Variants in ZDHHC11 observed in about 807,000 individuals in gnomAD.
ZDHHC11 encodes zDHHC palmitoyltransferase 11, also known as palmitoyltransferase ZDHHC11.
Under a neutral mutation model 51.3 loss-of-function variants are expected in ZDHHC11, and 44 were observed. The observed-to-expected ratio is 0.86, with a 90% CI of 0.67 to 1.10. The LOEUF (loss-of-function observed/expected upper bound fraction) is 1.10, where lower values mean the gene tolerates loss of function less well. ZDHHC11 is among the 50% of genes least tolerant of loss of function. ZDHHC11 has a pLI of 0.00. For missense variants in ZDHHC11, 400 were observed against 537.7 expected (o/e 0.74, Z 2.53); for synonymous variants, 163 against 222.0 (o/e 0.73, Z 2.36).
At position 832,114 on chromosome 5, in the gene ZDHHC11, G is replaced by A. The variant is rs2150363114; in HGVS notation, c.935+1659C>T. ...GATCTGTATATATGTAAATACCATGGAATACTACTCAGCCATAAAAAGGAA... is the reference window on the plus strand; with the variant it reads ...GATCTGTATATATGTAAATACCATGAAATACTACTCAGCCATAAAAAGGAA... On this transcript the variant is annotated intron_variant, in intron 7 of 12. Coordinates refer to ENST00000283441, the MANE Select transcript of ZDHHC11 (RefSeq NM_024786.3). Among the ~76,000 whole-genome samples, 2 of 119,252 alleles carry A rather than the reference G, an allele frequency of 1.7e-5. 1 individual carries two copies. The highest frequency in any genetic ancestry group is 4.6e-4 in the East Asian group (2 of 4,344). The allele number at this position is 119,252 out of a possible 152,430, so 78.2% of individuals were successfully genotyped here.
chr5:814,298 G>C (rs1343832823), intron 11 of ZDHHC11, among the ~76,000 whole-genome samples: 2 of 151,116 alleles, frequency 1.3e-5, no homozygotes, highest in African/African-American at 4.9e-5. Context: ...CTGGATCATG[G>C]TCCTCTTTAT....
chr5:855,850 G>A (rs540614466), upstream of ZDHHC11, among the ~76,000 whole-genome samples: 36 of 137,190 alleles, frequency 2.6e-4, no homozygotes, highest in Non-Finnish European at 3.5e-4. Context: ...ACCCCACAGA[G>A]GACAGACAGC....
At chr5:833,842 A>G (rs761588255) in intron 6 of ZDHHC11, 35 bp from the exon 7 acceptor site, 52 of 1,571,406 alleles carry the variant, frequency 3.3e-5, no homozygotes, top group Admixed American at 2.2e-4. Flanking sequence ...ACATGAAAAA[A>G]GAAGTTGTTG....
intron 11 of ZDHHC11, among the ~76,000 whole-genome samples, chr5:812,681 T>C (rs1171848949): frequency 6.6e-6 from 1 of 151,516 alleles, no homozygotes; most frequent in African/African-American, 2.4e-5. Flanking sequence ...GACTTTTAAG[T>C]GTTCCACAGA....
At chr5:796,917 A>C (rs1294518278) in intron 12 of ZDHHC11, among the ~76,000 whole-genome samples, 1 of 152,018 alleles carries the variant, frequency 6.6e-6, no homozygotes, top group Non-Finnish European at 1.5e-5. Context: ...TTTAAAAAAT[A>C]TTTTCTTTGG....
upstream of ZDHHC11, among the ~76,000 whole-genome samples, chr5:854,727 G>A (rs1747889737): frequency 6.8e-6 from 1 of 146,398 alleles, no homozygotes; most frequent in Non-Finnish European, 1.5e-5. Context: ...AGAGGACAGT[G>A]AGCAGCCGGG....
At chr5:797,515 T>G (rs1737762474) in intron 12 of ZDHHC11, among the ~76,000 whole-genome samples, 1 of 151,508 alleles carries the variant, frequency 6.6e-6, no homozygotes, top group South Asian at 2.1e-4. Flanking sequence ...AGTAATTTCT[T>G]CAGCTCTAGA....
rs1013939428 is a variant in ZDHHC11, at chr5:819,520, C to T, written c.1146+5G>A. 6 of 1,608,912 alleles carry T rather than the reference C, an allele frequency of 3.7e-6. No individual in the cohort carries two copies. Among genetic ancestry groups the T allele is most frequent in the Non-Finnish European group, 5.1e-6 (6 of 1,175,998 alleles). On this transcript the variant is annotated splice_donor_5th_base_variant and intron_variant, in intron 10 of 12. Coordinates refer to ENST00000283441, the MANE Select transcript of ZDHHC11 (RefSeq NM_024786.3). ...TCGGGGACAGCGCCAGTGATTGCAA[C>T]TTACCTGTGCCATCGAGCCCCCGTC...
At chr5:798,531 C>G (rs1261813142) in intron 12 of ZDHHC11, among the ~76,000 whole-genome samples, 1 of 149,780 alleles carries the variant, frequency 6.7e-6, no homozygotes, top group African/African-American at 2.4e-5. Flanking sequence ...TTTCCCCTCC[C>G]TTTTCCCTTT....
intron 4 of ZDHHC11, chr5:842,126 C>T: frequency 1.0e-6 from 1 of 986,516 alleles, no homozygotes; most frequent in Non-Finnish European, 1.2e-6. Context: ...ACTCAGGCCA[C>T]AATCAATGAA....
rs578146002 is a variant in ZDHHC11 at position 797,510 on chromosome 5, T to G, written c.*8-930A>C. Among the ~76,000 whole-genome samples, 55 of 151,384 alleles carry G rather than the reference T, an allele frequency of 3.6e-4. 2 individuals carry two copies. The highest frequency in any genetic ancestry group is 8.3e-4 in the South Asian group (4 of 4,796). On this transcript the variant is annotated intron_variant, in intron 12 of 12. Transcript: ENST00000283441. ...TGTCACTTTGTATCTATTTCAGTAA[T>G]TTCTTCAGCTCTAGATTCTAGTTCC...
At chr5:829,876 T>C (rs1170724713) in intron 7 of ZDHHC11, among the ~76,000 whole-genome samples, 1 of 151,108 alleles carries the variant, frequency 6.6e-6, no homozygotes, top group African/African-American at 2.4e-5. Flanking sequence ...ATAAACAGAA[T>C]TAAAAACAAA....
At chr5:841,620 C>T in intron 4 of ZDHHC11, 2 of 993,806 alleles carry the variant, frequency 2.0e-6, no homozygotes, top group Non-Finnish European at 2.4e-6. Flanking sequence ...ACTCTGTGTC[C>T]CTGGACCCGC....
rs1741897048 is a variant in ZDHHC11 at position 823,870 on chromosome 5, C to T, written c.1023+1294G>A. 5.6e-6 allele frequency: 2 copies of T among 359,466 alleles called. 1 individual carries two copies. Among genetic ancestry groups the T allele is most frequent in the Non-Finnish European group, 1.1e-5 (2 of 177,900 alleles). 22.3% of individuals were successfully genotyped at this position (359,466 alleles called of 1,614,324 possible). ...AGAGAAACTCCCATGAGCCCGTGTG[C>T]CACATGCAGTGAGGGAACTTTGGTG... On this transcript the variant is annotated intron_variant, in intron 8 of 12. Transcript: ENST00000283441.
rs765958444 is a variant in ZDHHC11, at chr5:850,494, G to A, written c.109C>T (p.Pro37Ser). The change falls in exon 1 of 13, where the codon CCC (proline) becomes TCC (serine). Residue 37 changes from proline (P) to serine (S), a missense_variant. Transcript: ENST00000283441. ...GTCACCACCTGGAAGTAGTGCAGGG[G>A]TAACGACCAGCCGTTCACTCTGGAG... ...RISRVNGWSL[P>S]LHYFQVVTWA... The A allele has an allele frequency of 6.2e-7, 1 of 1,613,722 alleles. No homozygotes were observed.
intron 6 of ZDHHC11, among the ~76,000 whole-genome samples, chr5:836,917 C>T (rs1330354200): frequency 2.1e-5 from 3 of 144,526 alleles, no homozygotes; most frequent in Admixed American, 6.7e-5. Flanking sequence ...ATTAGTCGGG[C>T]GTAGTGGCAT....
At chr5:856,261 CCAAA>C (rs1358775578) in intron 1 of ZDHHC11, among the ~76,000 whole-genome samples, 4 of 150,884 alleles carry the variant, frequency 2.7e-5, no homozygotes, top group Non-Finnish European at 3.0e-5. Context: ...ACAACACACA[CCAAA>C]CAGAAACCAC....
chr5:858,003 G>A (rs1173663943), intron 1 of ZDHHC11, among the ~76,000 whole-genome samples: 40 of 132,660 alleles, frequency 3.0e-4, no homozygotes, highest in Non-Finnish European at 4.9e-4. Context: ...GGTCCCCCGG[G>A]TCTGTCCCGG....
chr5:838,020 G>C (rs887596282), intron 5 of ZDHHC11, among the ~76,000 whole-genome samples: 7 of 151,922 alleles, frequency 4.6e-5, no homozygotes, highest in African/African-American at 7.2e-5. Context: ...CCGAGGTGCT[G>C]GCTAGCGGGT....
Sources: gnomAD v4.1 joint callset for allele counts (sites outside exome capture counted in the v4.1 genomes callset) on GRCh38, gnomAD v4.1.1 for gene constraint, MANE v1.5 for transcripts, NCBI Gene and HGNC (gene_info 2026-07-23, HGNC 2026-07-21) for gene names.